The following UNC79 variants were observed in gnomAD, a reference collection of about 807,000 sequenced individuals.
UNC79 encodes the protein protein unc-79 homolog.
Under a neutral mutation model 283.1 loss-of-function variants are expected in UNC79, and 37 were observed. That is an observed-to-expected ratio of 0.13 (90% CI 0.10 to 0.17). The LOEUF is 0.17. UNC79 is among the 10% of genes least tolerant of loss of function. The pLI is 1.00. For synonymous variants in UNC79, 1,107 were observed against 1,200.2 expected (o/e 0.92, Z 1.61); for missense variants, 2,272 against 3,211.1 (o/e 0.71, Z 7.07).
chr14:93,640,628 A>C (rs2068937013), intron 32 of UNC79, among the ~76,000 whole-genome samples: 1 of 152,182 alleles, frequency 6.6e-6, no homozygotes, highest in African/African-American at 2.4e-5. Context: ...ACCTTGTCAC[A>C]AACAAACAAA....
At chr14:93,705,277 GA>G (rs1379057627) in intron 48 of UNC79, among the ~76,000 whole-genome samples, 1 of 126,610 alleles carries the variant, frequency 7.9e-6, no homozygotes, top group Non-Finnish European at 1.6e-5. Flanking sequence ...AATTGGAAAT[GA>G]AAAAATAAAC....
At chr14:93,580,047 C>A in intron 18 of UNC79, 102 bp from the exon 19 acceptor site, 1 of 1,004,816 alleles carries the variant, frequency 1.0e-6, no homozygotes, top group Non-Finnish European at 1.5e-6. Context: ...AAATCATCCC[C>A]AAGTAGTGTG....
At chr14:93,563,763 G>T (rs2062707691) in intron 14 of UNC79, among the ~76,000 whole-genome samples, 1 of 152,170 alleles carries the variant, frequency 6.6e-6, no homozygotes, top group Non-Finnish European at 1.5e-5. Flanking sequence ...TAGTCATGGG[G>T]GTCAGGTGTA....
At chr14:93,443,900 T>C (rs1413836615) in intron 1 of UNC79, among the ~76,000 whole-genome samples, 4 of 152,246 alleles carry the variant, frequency 2.6e-5, no homozygotes, top group Non-Finnish European at 4.4e-5. Context: ...TGGGCCATTA[T>C]GAATATTTGC....
intron 1 of UNC79, among the ~76,000 whole-genome samples, chr14:93,417,220 G>A (rs2055482241): frequency 6.6e-6 from 1 of 151,680 alleles, no homozygotes; most frequent in African/African-American, 2.4e-5. Flanking sequence ...AGGCCTGGTG[G>A]TGACAAAATC....
At chr14:93,379,582 C>T (rs2054624930) in intron 1 of UNC79, among the ~76,000 whole-genome samples, 1 of 152,004 alleles carries the variant, frequency 6.6e-6, no homozygotes, top group South Asian at 2.1e-4. Flanking sequence ...CCTTAATATA[C>T]AATTCATATT....
chr14:93,357,281 T>C (rs889887641), intron 1 of UNC79, among the ~76,000 whole-genome samples: 1 of 152,152 alleles, frequency 6.6e-6, no homozygotes, highest in South Asian at 2.1e-4. Context: ...CCACCACTAA[T>C]GGGCATTGTG....
chr14:93,579,195 T>C (rs1274799683), intron 18 of UNC79, among the ~76,000 whole-genome samples: 2 of 152,330 alleles, frequency 1.3e-5, no homozygotes, highest in Middle Eastern at 3.4e-3. Context: ...TAAGATATAA[T>C]AATGTCCCAT....
At chr14:93,582,898 A>G (rs1396691650) in intron 20 of UNC79, among the ~76,000 whole-genome samples, 5 of 151,418 alleles carry the variant, frequency 3.3e-5, no homozygotes, top group African/African-American at 4.9e-5. Flanking sequence ...TCAGGATGTG[A>G]CCCCACGTGC....
chr14:93,630,700 G>A, intron 30 of UNC79, 101 bp from the exon 33 acceptor site: 1 of 842,102 alleles, frequency 1.2e-6, no homozygotes, highest in Non-Finnish European at 1.9e-6. Context: ...TGTATAAAGA[G>A]TTGAATGGTT....
intron 14 of UNC79, among the ~76,000 whole-genome samples, chr14:93,551,239 C>G (rs2061881783): frequency 6.6e-6 from 1 of 152,088 alleles, no homozygotes; most frequent in South Asian, 2.1e-4. Flanking sequence ...TTAGTAGAGA[C>G]GGGGTTTCAC....
intron 5 of UNC79, among the ~76,000 whole-genome samples, chr14:93,492,154 G>C (rs1326028132): frequency 6.6e-6 from 1 of 152,160 alleles, no homozygotes; most frequent in Non-Finnish European, 1.5e-5. Context: ...TATGGTACTT[G>C]CTATGAAGCT....
At chr14:93,423,341 C>T (rs768875496) in intron 1 of UNC79, among the ~76,000 whole-genome samples, 11 of 152,212 alleles carry the variant, frequency 7.2e-5, no homozygotes, top group Non-Finnish European at 1.2e-4. Context: ...TGACATTCTT[C>T]ACAAAAATAG....
At chr14:93,603,163 G>A in intron 25 of UNC79, 76 bp from the exon 26 acceptor site, 1 of 1,501,572 alleles carries the variant, frequency 6.7e-7, no homozygotes, top group South Asian at 1.3e-5. Context: ...CTACACAGAT[G>A]GATTGTTTTA....
At chr14:93,497,030 A>G in intron 6 of UNC79, 127 bp from the exon 7 acceptor site, 2 of 976,916 alleles carry the variant, frequency 2.0e-6, no homozygotes, top group Non-Finnish European at 1.5e-6. Context: ...TGTCTGCATG[A>G]GATTCCAGGG....
chr14:93,478,224 A>G (rs1369247446), intron 4 of UNC79, among the ~76,000 whole-genome samples: 1 of 152,188 alleles, frequency 6.6e-6, no homozygotes, highest in Admixed American at 6.6e-5. Context: ...TTTCCCTTAT[A>G]GAGGTATCGT....
intron 7 of UNC79, among the ~76,000 whole-genome samples, chr14:93,509,671 C>T (rs2059721505): frequency 6.6e-6 from 1 of 152,186 alleles, no homozygotes; most frequent in African/African-American, 2.4e-5. Flanking sequence ...CACACTAATG[C>T]AAGGGGTTGG....
At chr14:93,658,482 G>A (rs963822860) in intron 38 of UNC79, among the ~76,000 whole-genome samples, 1 of 152,156 alleles carries the variant, frequency 6.6e-6, no homozygotes, top group South Asian at 2.1e-4. Flanking sequence ...TTTAACTATA[G>A]CCTGCTATTG....
chr14:93,615,878 T>C (rs2066688610), intron 27 of UNC79, among the ~76,000 whole-genome samples: 1 of 151,988 alleles, frequency 6.6e-6, no homozygotes. Context: ...CATATATTGC[T>C]CCCTCCAAAT....
Sources: allele counts gnomAD v4.1 joint callset (sites outside exome capture counted in the v4.1 genomes callset), GRCh38; gene constraint gnomAD v4.1.1; transcripts MANE v1.5; gene names NCBI Gene and HGNC (gene_info 2026-07-23, HGNC 2026-07-21).